The following TLN2 variants were observed in gnomAD, a reference collection of about 807,000 sequenced individuals.
TLN2 encodes talin 2.
Under a neutral mutation model 294.7 loss-of-function variants are expected in TLN2, and 118 were observed. The observed-to-expected ratio is 0.40, with a 90% CI of 0.34 to 0.47. The LOEUF (loss-of-function observed/expected upper bound fraction) is 0.47, where lower values mean the gene tolerates loss of function less well. Among genes scored for constraint, TLN2 ranks in the 20% least tolerant of loss-of-function variants. The pLI, the probability that TLN2 is intolerant of heterozygous loss-of-function variation, is 0.84. For synonymous variants in TLN2, 1,431 were observed against 1,304.5 expected, an observed-to-expected ratio of 1.10 and a Z score of -2.09; for missense variants, 3,083 against 3,282.2, an observed-to-expected ratio of 0.94 and a Z score of 1.48.
At chr15:62,564,874 C>T (rs376964407) in intron 1 of TLN2, among the ~76,000 whole-genome samples, 8 of 145,724 alleles carry the variant, frequency 5.5e-5, no homozygotes, top group East Asian at 4.0e-4. Flanking sequence ...CACCACTTCA[C>T]TCCTGCCTGG....
intron 22 of TLN2, among the ~76,000 whole-genome samples, chr15:62,715,877 C>T (rs899251220): frequency 2.0e-5 from 3 of 152,152 alleles, no homozygotes; most frequent in Non-Finnish European, 4.4e-5. Context: ...TCCCTCTGTC[C>T]CCACCTGAGT....
At chr15:62,520,779 T>TG (rs1330360963) in intron 1 of TLN2, among the ~76,000 whole-genome samples, 3 of 152,208 alleles carry the variant, frequency 2.0e-5, no homozygotes, top group Non-Finnish European at 4.4e-5. Context: ...GTTTTAGAAG[T>TG]TCTATCTCTT....
chr15:62,600,650 CAT>C, intron 2 of TLN2, among the ~76,000 whole-genome samples: 1 of 152,136 alleles, frequency 6.6e-6, no homozygotes, highest in Non-Finnish European at 1.5e-5. Context: ...TTTGTTTATT[CAT>C]AGTTTTAAAA....
chr15:62,458,788 C>T (rs2036630446), intron 1 of TLN2, among the ~76,000 whole-genome samples: 1 of 151,908 alleles, frequency 6.6e-6, no homozygotes, highest in Admixed American at 6.6e-5. Context: ...AAATAAAAAA[C>T]TCAAGGATGA....
At chr15:62,840,155 C>T (rs1201526860) in intron 58 of TLN2, among the ~76,000 whole-genome samples, 2 of 152,190 alleles carry the variant, frequency 1.3e-5, no homozygotes, top group African/African-American at 4.8e-5. Flanking sequence ...AGACTTTCAA[C>T]AGGGCATGCT....
intron 3 of TLN2, among the ~76,000 whole-genome samples, chr15:62,643,129 G>A (rs2414784): frequency 0.81 from 122,462 of 152,106 alleles, 50,484 homozygotes; most frequent in Admixed American, 0.89. Flanking sequence ...TTCTTGTGGG[G>A]TGGTGAATAA....
At chr15:62,472,699 G>A (rs980328622) in intron 1 of TLN2, among the ~76,000 whole-genome samples, 1 of 152,168 alleles carries the variant, frequency 6.6e-6, no homozygotes, top group African/African-American at 2.4e-5. Flanking sequence ...TTCCTTATTT[G>A]GTCAAAATAG....
At chr15:62,835,377 T>C (rs1463171190) in intron 55 of TLN2, 1 of 294,318 alleles carries the variant, frequency 3.4e-6, no homozygotes, top group African/African-American at 2.2e-5. Flanking sequence ...AGAGGAGGCC[T>C]AGTGGCTCCC....
intron 1 of TLN2, among the ~76,000 whole-genome samples, chr15:62,479,239 C>T (rs1173344065): frequency 6.6e-6 from 1 of 152,138 alleles, no homozygotes; most frequent in Non-Finnish European, 1.5e-5. Context: ...TTTACCTGGG[C>T]CTCATATAGG....
intron 22 of TLN2, among the ~76,000 whole-genome samples, chr15:62,715,461 G>A (rs189628835): frequency 2.6e-5 from 4 of 152,322 alleles, no homozygotes; most frequent in Admixed American, 2.6e-4. Flanking sequence ...TGTGGGAGAG[G>A]AAGGCTGGAT....
intron 58 of TLN2, 119 bp from the exon 59 acceptor site, chr15:62,840,363 C>T: frequency 1.4e-6 from 2 of 1,413,556 alleles, no homozygotes; most frequent in South Asian, 1.4e-5. Context: ...GAAAGCTGTT[C>T]CGGATGTGCT....
At chr15:62,758,107 A>T (rs1466081257) in intron 37 of TLN2, among the ~76,000 whole-genome samples, 1 of 152,072 alleles carries the variant, frequency 6.6e-6, no homozygotes, top group Non-Finnish European at 1.5e-5. Context: ...TCTTTTAACC[A>T]TGAGGATGTG....
chr15:62,750,303 C>A, intron 33 of TLN2, 99 bp from the exon 34 acceptor site: 1 of 959,898 alleles, frequency 1.0e-6, no homozygotes. Flanking sequence ...TGACCAGAAA[C>A]TTGTGTATGG....
At chr15:62,681,106 T>C (rs2056791539) in intron 11 of TLN2, among the ~76,000 whole-genome samples, 1 of 152,220 alleles carries the variant, frequency 6.6e-6, no homozygotes, top group Non-Finnish European at 1.5e-5. Flanking sequence ...AGTAGTGGGA[T>C]TGCTGGATCA....
At position 62,776,680 on chromosome 15, in the gene TLN2, A is replaced by G. The variant is rs1191706969; in HGVS notation, c.5368-84A>G. 2.4e-5 allele frequency: 30 copies of G among 1,262,296 alleles called. No homozygotes were observed. In the South Asian group the frequency reaches 2.6e-4, roughly 11 times the overall value. The allele number at this position is 1,262,296 out of a possible 1,614,324, so 78.2% of individuals were successfully genotyped here. A position where few individuals can be genotyped will look rare whatever the true frequency, so the allele number is the denominator to read the frequency against. ...TGCTCCATTGTGGGGGTATGGTTTT[A>G]TATTCTACTTTTGAAGGTTATTCTT... On this transcript the variant is annotated intron_variant, in intron 42 of 58. Coordinates refer to ENST00000636159, the MANE Select transcript of TLN2 (RefSeq NM_015059.3).
At chr15:62,621,631 T>C (rs781503663) in intron 3 of TLN2, among the ~76,000 whole-genome samples, 3 of 152,224 alleles carry the variant, frequency 2.0e-5, no homozygotes, top group Admixed American at 6.5e-5. Context: ...GAGGTACTTA[T>C]ATGTTTGAGA....
intron 52 of TLN2, among the ~76,000 whole-genome samples, chr15:62,818,098 C>T (rs555530097): frequency 1.3e-5 from 2 of 152,210 alleles, no homozygotes; most frequent in Non-Finnish European, 2.9e-5. Context: ...GCATGAGCCA[C>T]TGCGCCCAGC....
intron 1 of TLN2, among the ~76,000 whole-genome samples, chr15:62,523,799 G>A (rs1056842835): frequency 2.6e-5 from 4 of 152,354 alleles, no homozygotes; most frequent in African/African-American, 9.6e-5. Flanking sequence ...GCAGTGTTGT[G>A]TGGGCCACTT....
At chr15:62,631,142 A>C (rs59854818) in intron 3 of TLN2, among the ~76,000 whole-genome samples, 40,264 of 151,914 alleles carry the variant, frequency 0.27, 6,663 homozygotes, top group East Asian at 0.67. Flanking sequence ...GCAGCTTCCT[A>C]TGAGTTCCGC....
Sources: gnomAD v4.1 joint callset for allele counts (sites outside exome capture counted in the v4.1 genomes callset) on GRCh38, gnomAD v4.1.1 for gene constraint, MANE v1.5 for transcripts, NCBI Gene and HGNC (gene_info 2026-07-23, HGNC 2026-07-21) for gene names.